TPRG1: variants seen among roughly 807,000 people sequenced by gnomAD.
TPRG1 encodes tumor protein p63 regulated 1, also known as tumor protein p63-regulated gene 1 protein.
TPRG1 carries 29 observed loss-of-function variants against 29.3 expected under a neutral mutation model. That is an observed-to-expected ratio of 0.99 (90% CI 0.74 to 1.35). The LOEUF (loss-of-function observed/expected upper bound fraction) is 1.35, where lower values mean the gene tolerates loss of function less well. Among genes scored for constraint, TPRG1 ranks in the 40% most tolerant of loss-of-function variants. The pLI is 0.00. For synonymous variants in TPRG1, 130 were observed against 116.8 expected (o/e 1.11, Z -0.73); for missense variants, 327 against 335.0 (o/e 0.98, Z 0.19).
rs945647301 is a variant in TPRG1 at position 189,288,548 on chromosome 3, T to C, written c.480-21838T>C. Among the ~76,000 whole-genome samples the C allele has an allele frequency of 4.6e-5, 7 of 152,238 alleles. 1 individual carries two copies. Among genetic ancestry groups the C allele is most frequent in the Admixed American group, 6.5e-5 (1 of 15,288 alleles). On this transcript the variant is annotated intron_variant, in intron 4 of 5. Coordinates refer to ENST00000345063, the MANE Select transcript of TPRG1 (RefSeq NM_198485.4). Reference sequence around the variant, plus strand: ...AGCATATTCAGCTTTGTAAATGACCTTGGGGCCTTTGCATTCTATCTCTTC... The same window carrying C: ...AGCATATTCAGCTTTGTAAATGACCCTGGGGCCTTTGCATTCTATCTCTTC...
chr3:189,307,421 A>C (rs1166313778), intron 4 of TPRG1, among the ~76,000 whole-genome samples: 1 of 152,228 alleles, frequency 6.6e-6, no homozygotes, highest in Non-Finnish European at 1.5e-5. Flanking sequence ...AAAATTGCTC[A>C]TATTGAGTAT....
chr3:189,074,745 C>A (rs765176947), intron 4 of TPRG1, among the ~76,000 whole-genome samples: 1 of 151,584 alleles, frequency 6.6e-6, no homozygotes, highest in South Asian at 2.1e-4. Context: ...ATCTTTGAAT[C>A]TTTTATGTTA....
At chr3:189,231,980 T>C (rs1348489862) in intron 3 of TPRG1, among the ~76,000 whole-genome samples, 1 of 151,934 alleles carries the variant, frequency 6.6e-6, no homozygotes, top group Non-Finnish European at 1.5e-5. Context: ...TGTGTTTGGG[T>C]GTATATCTAT....
intron 4 of TPRG1, among the ~76,000 whole-genome samples, chr3:189,052,083 A>C (rs1715355998): frequency 6.6e-6 from 1 of 152,256 alleles, no homozygotes; most frequent in Non-Finnish European, 1.5e-5. Flanking sequence ...ATAAAAACAA[A>C]AATAAATAGC....
intron 4 of TPRG1, among the ~76,000 whole-genome samples, chr3:189,079,686 C>A (rs1178303534): frequency 6.6e-6 from 1 of 152,146 alleles, no homozygotes; most frequent in Non-Finnish European, 1.5e-5. Context: ...TGACACTCTG[C>A]ACTCCCCATA....
chr3:189,183,841 C>T (rs550325450), intron 1 of TPRG1, among the ~76,000 whole-genome samples: 8 of 151,208 alleles, frequency 5.3e-5, no homozygotes, highest in East Asian at 3.9e-4. Context: ...GTGCAGTTAA[C>T]GCAATTATCA....
intron 4 of TPRG1, among the ~76,000 whole-genome samples, chr3:189,068,451 A>C (rs1716596303): frequency 6.6e-6 from 1 of 152,204 alleles, no homozygotes; most frequent in Non-Finnish European, 1.5e-5. Flanking sequence ...TGGTACATAT[A>C]CACAACAGAG....
rs997714902 is a variant in TPRG1 at position 189,124,556 on chromosome 3, G to GTA, written c.-743-2490_-743-2489dup. Among the ~76,000 whole-genome samples the GTA allele has an allele frequency of 5.3e-5, 8 of 150,460 alleles. No individual in the cohort carries two copies. In the East Asian group the frequency reaches 5.9e-4, roughly 11 times the overall value. ...CAAAGGACTTTGTGTGTGTGTGTGT[G>GTA]TATATATATATACACACACACACAT... On this transcript the variant is annotated intron_variant, in intron 1 of 6. Coordinates refer to the TPRG1 transcript ENST00000412373.
chr3:189,135,243 C>T (rs1476266949), intron 3 of TPRG1, among the ~76,000 whole-genome samples: 1 of 152,152 alleles, frequency 6.6e-6, no homozygotes, highest in African/African-American at 2.4e-5. Flanking sequence ...ATGTCCTGTC[C>T]AGGGCTTGAT....
At chr3:189,306,058 T>C (rs577894015) in intron 4 of TPRG1, among the ~76,000 whole-genome samples, 127 of 152,318 alleles carry the variant, frequency 8.3e-4, no homozygotes, top group South Asian at 1.9e-3. Context: ...TGGGAACAAA[T>C]TGATAGTAAA....
intron 3 of TPRG1, among the ~76,000 whole-genome samples, chr3:189,220,748 C>G (rs576566454): frequency 3.3e-4 from 50 of 152,276 alleles, no homozygotes; most frequent in African/African-American, 1.2e-3. Flanking sequence ...CCAACTCCAT[C>G]CATGTCCCTG....
chr3:189,078,091 C>CTCTTTCTCTCTTTCTT (rs1553899974), intron 4 of TPRG1, among the ~76,000 whole-genome samples: 27 of 85,188 alleles, frequency 3.2e-4, no homozygotes, highest in Admixed American at 8.4e-4. Flanking sequence ...CTCTCTTTCT[C>CTCTTTCTCTCTTTCTT]TCTTTCTTTC....
intron 5 of TPRG1, among the ~76,000 whole-genome samples, chr3:189,162,226 C>G (rs1045891064): frequency 2.6e-5 from 4 of 152,124 alleles, no homozygotes; most frequent in Non-Finnish European, 5.9e-5. Flanking sequence ...AACTCCTGAC[C>G]TCGTGCTCCA....
At position 189,270,061 on chromosome 3, in the gene TPRG1, T is replaced by C. The variant is rs199778909; in HGVS notation, c.479+31152T>C. Among the ~76,000 whole-genome samples, 361 of 132,218 alleles carry C rather than the reference T, an allele frequency of 2.7e-3. 1 individual carries two copies. The highest frequency in any genetic ancestry group is 9.5e-3 in the East Asian group (39 of 4,090). 86.7% of individuals were successfully genotyped at this position (132,218 alleles called of 152,430 possible). ...TCTTCTTCTTCTTCTTCTTCTTCTTTTTTGTCTGTAGAGTAACGAGAGCAC... is the reference window on the plus strand; with the variant it reads ...TCTTCTTCTTCTTCTTCTTCTTCTTCTTTGTCTGTAGAGTAACGAGAGCAC... On this transcript the variant is annotated intron_variant, in intron 4 of 5. Coordinates refer to ENST00000345063, the MANE Select transcript of TPRG1 (RefSeq NM_198485.4).
intron 4 of TPRG1, among the ~76,000 whole-genome samples, chr3:189,056,481 G>A (rs1715706612): frequency 6.6e-6 from 1 of 152,074 alleles, no homozygotes; most frequent in African/African-American, 2.4e-5. Context: ...CCAATAAATA[G>A]GCCTCAATAA....
At chr3:189,125,258 A>G (rs138533594) in intron 1 of TPRG1, among the ~76,000 whole-genome samples, 1 of 152,306 alleles carries the variant, frequency 6.6e-6, no homozygotes, top group East Asian at 1.9e-4. Context: ...CAAGACATAT[A>G]ACCTCGGGCA....
At chr3:189,269,100 TTTC>T (rs1171221194) in intron 4 of TPRG1, among the ~76,000 whole-genome samples, 1 of 151,948 alleles carries the variant, frequency 6.6e-6, no homozygotes, top group Non-Finnish European at 1.5e-5. Context: ...GGTTTTTTTT[TTTC>T]TTTTTTTCTT....
At chr3:189,023,420 C>T (rs1713482760) in intron 3 of TPRG1, among the ~76,000 whole-genome samples, 1 of 152,214 alleles carries the variant, frequency 6.6e-6, no homozygotes, top group Admixed American at 6.5e-5. Flanking sequence ...TGATTCTTAG[C>T]TTCTTCGCAT....
chr3:189,249,165 G>T (rs1741792231), intron 4 of TPRG1, among the ~76,000 whole-genome samples: 1 of 151,442 alleles, frequency 6.6e-6, no homozygotes, highest in Admixed American at 6.6e-5. Flanking sequence ...TACATGTAAT[G>T]TTTATATATA....
Sources: allele counts gnomAD v4.1 joint callset (sites outside exome capture counted in the v4.1 genomes callset), GRCh38; gene constraint gnomAD v4.1.1; transcripts MANE v1.5; gene names NCBI Gene and HGNC (gene_info 2026-07-23, HGNC 2026-07-21).